The following MOGAT1 variants were observed in gnomAD, a reference collection of about 807,000 sequenced individuals.
MOGAT1 encodes the protein 2-acylglycerol O-acyltransferase 1.
MOGAT1 carries 32 observed loss-of-function variants against 31.4 expected under a neutral mutation model. That is an observed-to-expected ratio of 1.02 (90% CI 0.77 to 1.37). The LOEUF (loss-of-function observed/expected upper bound fraction) is 1.37. MOGAT1 is among the 40% of genes most tolerant of loss of function. The pLI is 0.00. For missense variants in MOGAT1, 426 were observed against 402.0 expected (o/e 1.06, Z -0.51); for synonymous variants, 145 against 144.5 (o/e 1.00, Z -0.03).
chr2:222,701,596 A>AAAAGAAAGAAAGGGAGGGAGGGAGGG lies in MOGAT1; in HGVS notation c.853+6309_853+6310insAAGAAAGAAAGGGAGGGAGGGAGGGA, dbSNP rs763465755. Among the ~76,000 whole-genome samples the AAAAGAAAGAAAGGGAGGGAGGGAGGG allele has an allele frequency of 4.6e-3, 633 of 139,070 alleles. 7 individuals are homozygous for AAAAGAAAGAAAGGGAGGGAGGGAGGG. Among genetic ancestry groups the AAAAGAAAGAAAGGGAGGGAGGGAGGG allele is most frequent in the African/African-American group, 0.017 (595 of 35,806 alleles). 91.2% of individuals were successfully genotyped at this position (139,070 alleles called of 152,430 possible). A position where few individuals can be genotyped will look rare whatever the true frequency, so the allele number is the denominator to read the frequency against. ...GAAAAGAAAGAAAAAGAAAGAAAGA[A>AAAAGAAAGAAAGGGAGGGAGGGAGGG]AGGGAGGGAGGGAGGGAGAGAAGAA... On this transcript the variant is annotated intron_variant, in intron 5 of 5. Coordinates refer to ENST00000446656, the MANE Select transcript of MOGAT1 (RefSeq NM_058165.3).
At chr2:222,687,129 A>G (rs1255368534) in intron 1 of MOGAT1, among the ~76,000 whole-genome samples, 3 of 122,248 alleles carry the variant, frequency 2.5e-5, no homozygotes, top group African/African-American at 3.9e-5. Context: ...AAAAAAAAAA[A>G]AAAAAAAAAA....
At chr2:222,695,434 G>T in intron 5 of MOGAT1, 146 bp downstream of exon 5, 2 of 547,442 alleles carry the variant, frequency 3.7e-6, no homozygotes, top group South Asian at 3.0e-5. Context: ...TTTTGTTTCT[G>T]GTATTCCTTT....
intron 3 of MOGAT1, among the ~76,000 whole-genome samples, chr2:222,692,905 A>T (rs768731728): frequency 3.0e-4 from 46 of 152,162 alleles, no homozygotes; most frequent in Admixed American, 8.5e-4. Context: ...ACTCAGGTTC[A>T]CACAGAGCAG....
chr2:222,695,319 C>T (rs1559232421), intron 5 of MOGAT1, 31 bp downstream of exon 5: 4 of 1,454,898 alleles, frequency 2.7e-6, no homozygotes, highest in Non-Finnish European at 3.8e-6. Flanking sequence ...CAACTATTAG[C>T]TTACTTTAAG....
chr2:222,701,173 T>C (rs952026791), intron 5 of MOGAT1, among the ~76,000 whole-genome samples: 2 of 151,974 alleles, frequency 1.3e-5, no homozygotes, highest in African/African-American at 4.8e-5. Context: ...GGCATGAGAA[T>C]CACTTGAACC....
At chr2:222,681,882 A>G (rs1692585828) in intron 1 of MOGAT1, among the ~76,000 whole-genome samples, 1 of 152,216 alleles carries the variant, frequency 6.6e-6, no homozygotes. Flanking sequence ...CAACCGTTTT[A>G]GGAGCCCTAG....
intron 1 of MOGAT1, among the ~76,000 whole-genome samples, chr2:222,683,683 C>T (rs1458962482): frequency 3.9e-5 from 6 of 151,978 alleles, no homozygotes; most frequent in African/African-American, 1.5e-4. Flanking sequence ...GCCGAGATCA[C>T]ACCACTGCAC....
chr2:222,680,647 A>G (rs1358891721), intron 1 of MOGAT1, among the ~76,000 whole-genome samples: 4 of 152,204 alleles, frequency 2.6e-5, no homozygotes, highest in Non-Finnish European at 1.5e-5. Context: ...TAAAAAATAT[A>G]GTGTCTCCGG....
At chr2:222,674,111 G>C (rs191788371) in intron 1 of MOGAT1, among the ~76,000 whole-genome samples, 14 of 152,206 alleles carry the variant, frequency 9.2e-5, no homozygotes, top group African/African-American at 3.4e-4. Context: ...TGGCCCAGTA[G>C]TGGAAAGTCG....
At chr2:222,699,992 T>C (rs1042739372) in intron 5 of MOGAT1, among the ~76,000 whole-genome samples, 1 of 152,242 alleles carries the variant, frequency 6.6e-6, no homozygotes, top group Non-Finnish European at 1.5e-5. Flanking sequence ...TTGAGATAAA[T>C]TTAAGTTTGC....
At chr2:222,692,381 G>A (rs959459091) in intron 3 of MOGAT1, among the ~76,000 whole-genome samples, 11 of 152,176 alleles carry the variant, frequency 7.2e-5, no homozygotes, top group African/African-American at 2.7e-4. Flanking sequence ...AGTAGCAGGT[G>A]CTCAATAAAT....
At chr2:222,699,683 A>G (rs1272296246) in intron 5 of MOGAT1, among the ~76,000 whole-genome samples, 2 of 151,468 alleles carry the variant, frequency 1.3e-5, no homozygotes, top group Non-Finnish European at 2.9e-5. Context: ...TATTTTTAGT[A>G]AAGACGGAGT....
At position 222,691,287 on chromosome 2, in the gene MOGAT1, G is replaced by A. The variant is rs1396616142; in HGVS notation, c.478+1818G>A. On this transcript the variant is annotated intron_variant, in intron 3 of 5. Coordinates refer to ENST00000446656, the MANE Select transcript of MOGAT1 (RefSeq NM_058165.3). ...CAATGGCGTGATCTTGGCTCATTGC[G>A]ACCTCTGCCTCCCTGGTTCAAGTGA... Among the ~76,000 whole-genome samples the A allele has an allele frequency of 2.0e-5, 3 of 151,560 alleles. No individual in the cohort carries two copies. In the East Asian group the frequency reaches 5.8e-4, roughly 29 times the overall value.
chr2:222,697,442 A>T (rs1352099054), intron 5 of MOGAT1, among the ~76,000 whole-genome samples: 1 of 152,148 alleles, frequency 6.6e-6, no homozygotes, highest in African/African-American at 2.4e-5. Context: ...GCAGACGCAC[A>T]TGAAGAGTGA....
Position 222,675,817 on chromosome 2 carries a change from A to G in MOGAT1, c.94+3938A>G, listed in dbSNP as rs184180776. On this transcript the variant is annotated intron_variant, in intron 1 of 5. Transcript: ENST00000446656. The stretch of plus-strand genomic sequence containing the variant: ...CTGCAGTTAAAAATTTTGTCTCATC[A>G]TGTAGCACCATTTGACTACCCTACA... 1.6e-3 allele frequency among the ~76,000 whole-genome samples: 238 copies of G among 151,870 alleles called. 2 individuals are homozygous for G. The highest frequency in any genetic ancestry group is 3.5e-3 in the South Asian group (17 of 4,816).
At chr2:222,684,352 G>T (rs1057196209) in intron 1 of MOGAT1, among the ~76,000 whole-genome samples, 4 of 151,902 alleles carry the variant, frequency 2.6e-5, no homozygotes, top group Non-Finnish European at 5.9e-5. Context: ...GTTGCAGTGA[G>T]CTGAGATCAT....
intron 3 of MOGAT1, among the ~76,000 whole-genome samples, chr2:222,693,446 TTG>T (rs1182904378): frequency 7.3e-6 from 1 of 137,224 alleles, no homozygotes; most frequent in South Asian, 2.1e-4. Context: ...GTCAAATGTC[TTG>T]TTTTTTTTTT....
chr2:222,675,070 C>T (rs942433923), intron 1 of MOGAT1, among the ~76,000 whole-genome samples: 2 of 152,214 alleles, frequency 1.3e-5, no homozygotes, highest in African/African-American at 2.4e-5. Context: ...AGTGTCTCCC[C>T]TTTGTTTTCT....
rs1559230125 is a variant in MOGAT1, at chr2:222,687,137, AAAGAAAGAACAAGAAAG to A, written c.95-1204_95-1188del. Among the ~76,000 whole-genome samples the A allele has an allele frequency of 5.9e-4, 39 of 66,086 alleles. 4 individuals carry two copies. The highest frequency in any genetic ancestry group is 1.6e-3 in the African/African-American group (15 of 9,324). 43.4% of individuals were successfully genotyped at this position (66,086 alleles called of 152,430 possible). ...TCAAAAAAAAAAAAAAAAAAAAAAA[AAAGAAAGAACAAGAAAG>A]AAAGAAAAAATATATATAAATGTTG... is the stretch of plus-strand genomic sequence containing the variant. On this transcript the variant is annotated intron_variant, in intron 1 of 5. Transcript: ENST00000446656.
Sources: allele counts gnomAD v4.1 joint callset (sites outside exome capture counted in the v4.1 genomes callset), GRCh38; gene constraint gnomAD v4.1.1; transcripts MANE v1.5; gene names NCBI Gene and HGNC (gene_info 2026-07-23, HGNC 2026-07-21).